ERG: variants seen among roughly 807,000 people sequenced by gnomAD.
ERG encodes the protein ETS transcription factor ERG, also known as transcriptional regulator ERG.
Under a neutral mutation model 55.3 loss-of-function variants are expected in ERG, and 9 were observed. The ratio of observed to expected loss-of-function variants is 0.16; its 90% CI spans 0.10 to 0.28. ERG has a LOEUF of 0.28. ERG is among the 10% of genes least tolerant of loss of function. The probability of loss-of-function intolerance (pLI) is 1.00; values close to 1 mark genes in which losing one functional copy is unlikely to be tolerated. For missense variants in ERG, 434 were observed against 631.6 expected (o/e 0.69, Z 3.35); for synonymous variants, 223 against 237.3 (o/e 0.94, Z 0.55).
intron 1 of ERG, among the ~76,000 whole-genome samples, chr21:38,637,560 G>C (rs749314410): frequency 4.6e-5 from 7 of 152,180 alleles, no homozygotes; most frequent in Non-Finnish European, 1.0e-4. Context: ...ATGCAAGATT[G>C]TCCTGACAAC....
chr21:38,465,222 G>T (rs2059077704), intron 1 of ERG, among the ~76,000 whole-genome samples: 1 of 152,156 alleles, frequency 6.6e-6, no homozygotes, highest in African/African-American at 2.4e-5. Context: ...TACTTTAAAT[G>T]TGCCAATCAA....
intron 2 of ERG, among the ~76,000 whole-genome samples, chr21:38,512,056 T>C (rs1169133860): frequency 2.0e-5 from 3 of 152,170 alleles, no homozygotes; most frequent in African/African-American, 4.8e-5. Flanking sequence ...AGGTATATTG[T>C]CAGATGGGAT....
chr21:38,539,893 A>ATTTTTTTTT (rs11338575), intron 2 of ERG, among the ~76,000 whole-genome samples: 3 of 118,996 alleles, frequency 2.5e-5, no homozygotes, highest in African/African-American at 9.8e-5. Flanking sequence ...CCAACACGTG[A>ATTTTTTTTT]TTTTTTTTTT....
intron 1 of ERG, among the ~76,000 whole-genome samples, chr21:38,618,872 T>C (rs1355944627): frequency 6.6e-6 from 1 of 152,192 alleles, no homozygotes; most frequent in Non-Finnish European, 1.5e-5. Flanking sequence ...AAAATTAGAC[T>C]TACCCACCAG....
At position 38,617,786 on chromosome 21, in the gene ERG, G is replaced by A. The variant is rs187540779; in HGVS notation, c.-149-32841C>T. ...CCATCCCATTGTTGATATTTGATATGTCATGTTCATATCTGTTGTCTTTGT... is the reference window on the plus strand; with the variant it reads ...CCATCCCATTGTTGATATTTGATATATCATGTTCATATCTGTTGTCTTTGT... On this transcript the variant is annotated intron_variant, in intron 1 of 10. Transcript: ENST00000398910. Among the ~76,000 whole-genome samples, 58 of 152,296 alleles carry A rather than the reference G, an allele frequency of 3.8e-4. 1 individual carries two copies. The East Asian group carries it at 3.9e-3, about 10-fold the overall frequency.
At chr21:38,649,311 T>A (rs2060475080) in intron 1 of ERG, among the ~76,000 whole-genome samples, 1 of 152,036 alleles carries the variant, frequency 6.6e-6, no homozygotes, top group South Asian at 2.1e-4. Flanking sequence ...TGACGTAGCG[T>A]TTCTCTCAAA....
intron 2 of ERG, among the ~76,000 whole-genome samples, chr21:38,569,492 A>AC (rs1277680495): frequency 1.3e-5 from 2 of 152,210 alleles, no homozygotes; most frequent in African/African-American, 4.8e-5. Context: ...ACTAGAAAGT[A>AC]CCTTCCTCTC....
intron 1 of ERG, among the ~76,000 whole-genome samples, chr21:38,593,918 C>A (rs1402835510): frequency 1.3e-5 from 2 of 151,988 alleles, no homozygotes; most frequent in Non-Finnish European, 2.9e-5. Context: ...GAGGTGAGAA[C>A]CTTTCCTAAG....
intron 1 of ERG, among the ~76,000 whole-genome samples, chr21:38,453,908 G>T (rs1381874189): frequency 6.8e-6 from 1 of 146,890 alleles, no homozygotes; most frequent in Admixed American, 6.8e-5. Context: ...AGAAGAAGAA[G>T]AATCACTTTT....
intron 2 of ERG, among the ~76,000 whole-genome samples, chr21:38,560,463 G>GT: frequency 6.6e-6 from 1 of 152,250 alleles, no homozygotes; most frequent in African/African-American, 2.4e-5. Flanking sequence ...CCCTCCAAAG[G>GT]CAAGCTCTGC....
downstream of ERG, among the ~76,000 whole-genome samples, chr21:38,378,879 T>A: frequency 6.6e-6 from 1 of 152,216 alleles, no homozygotes. Context: ...TTGTTGCACC[T>A]CTTACGCTGC....
In ERG at chr21:38,380,911, C is replaced by G. The variant is rs183812994; in HGVS notation, c.*2492G>C. The G allele has an allele frequency of 9.4e-7, 1 of 1,065,274 alleles. No homozygotes were observed. Among genetic ancestry groups the G allele is most frequent in the East Asian group, 5.0e-5 (1 of 20,056 alleles). 66.0% of individuals were successfully genotyped at this position (1,065,274 alleles called of 1,614,324 possible). A position where few individuals can be genotyped will look rare whatever the true frequency, so the allele number is the denominator to read the frequency against. ...ATTTCTATGAAGAATGTAGGTGTGTCTTGACTTTGCATTCCAAAATAAAAA... is the reference window on the plus strand; with the variant it reads ...ATTTCTATGAAGAATGTAGGTGTGTGTTGACTTTGCATTCCAAAATAAAAA... On this transcript the variant is annotated 3_prime_UTR_variant, in exon 10 of 10. Transcript: ENST00000288319.
chr21:38,575,761 G>C (rs1244435991), intron 1 of ERG: 1 of 1,594,678 alleles, frequency 6.3e-7, no homozygotes, highest in African/African-American at 1.3e-5. Flanking sequence ...GAAGACAAAA[G>C]GAACAACATA....
chr21:38,577,198 G>A (rs2059999914), intron 1 of ERG, among the ~76,000 whole-genome samples: 1 of 152,118 alleles, frequency 6.6e-6, no homozygotes, highest in Admixed American at 6.5e-5. Context: ...AGCATTCACA[G>A]GAGTCCTCCC....
chr21:38,492,379 A>G (rs1355009502), intron 1 of ERG, among the ~76,000 whole-genome samples: 1 of 152,258 alleles, frequency 6.6e-6, no homozygotes, highest in Non-Finnish European at 1.5e-5. Flanking sequence ...ATTTAAGTCA[A>G]TTTTAATTAA....
At chr21:38,644,221 A>G (rs1226096574) in intron 1 of ERG, among the ~76,000 whole-genome samples, 1 of 152,250 alleles carries the variant, frequency 6.6e-6, no homozygotes, top group Non-Finnish European at 1.5e-5. Context: ...GGCACCATTT[A>G]GTAGCATGAC....
intron 1 of ERG, among the ~76,000 whole-genome samples, chr21:38,611,795 C>T (rs955968246): frequency 2.0e-5 from 3 of 152,150 alleles, no homozygotes; most frequent in Non-Finnish European, 4.4e-5. Flanking sequence ...CCTCGGCACC[C>T]AGGACAGGGG....
intron 1 of ERG, among the ~76,000 whole-genome samples, chr21:38,485,950 T>C (rs2146662019): frequency 6.6e-6 from 1 of 152,002 alleles, no homozygotes; most frequent in Non-Finnish European, 1.5e-5. Flanking sequence ...TATTATTATT[T>C]TGAGATGGGG....
intron 1 of ERG, among the ~76,000 whole-genome samples, chr21:38,469,054 CA>C (rs199782409): frequency 0.016 from 2,278 of 143,380 alleles, 48 homozygotes; most frequent in Middle Eastern, 0.11. Flanking sequence ...GCCCTTTGTC[CA>C]AAAAAAAACC....
Sources: allele counts gnomAD v4.1 joint callset (sites outside exome capture counted in the v4.1 genomes callset), GRCh38; gene constraint gnomAD v4.1.1; transcripts MANE v1.5; gene names NCBI Gene and HGNC (gene_info 2026-07-23, HGNC 2026-07-21).